The following UQCRH variants were observed in gnomAD, a reference collection of about 807,000 sequenced individuals.
The protein encoded by UQCRH is cytochrome b-c1 complex subunit 6, mitochondrial.
UQCRH carries 14 observed loss-of-function variants against 16.3 expected under a neutral mutation model. That is an observed-to-expected ratio of 0.86 (90% CI 0.57 to 1.34). The LOEUF (loss-of-function observed/expected upper bound fraction) is 1.34. Ranked by LOEUF, UQCRH falls within the 40% of genes most tolerant of loss-of-function variation. The pLI is 0.00. For missense variants in UQCRH, 89 were observed against 111.9 expected (o/e 0.80, Z 0.92); for synonymous variants, 41 against 41.9 (o/e 0.98, Z 0.08).
At chr1:46,316,503 T>C in intron 3 of UQCRH, 49 bp from the exon 4 acceptor site, 1 of 1,613,038 alleles carries the variant, frequency 6.2e-7, no homozygotes, top group Non-Finnish European at 8.5e-7. Context: ...TTGTAAGCCA[T>C]GACATTAAAG....
intron 3 of UQCRH, among the ~76,000 whole-genome samples, chr1:46,311,319 TG>T (rs1661469066): frequency 1.2e-5 from 1 of 80,902 alleles, no homozygotes; most frequent in Non-Finnish European, 2.7e-5. Context: ...CCCAGCACTT[TG>T]GGAGGCGGAG....
Position 46,304,502 on chromosome 1 carries a change from C to T in UQCRH, c.54+682C>T, listed in dbSNP as rs112382752. Among the ~76,000 whole-genome samples, 1,088 of 152,038 alleles carry T rather than the reference C, an allele frequency of 7.2e-3. 16 individuals are homozygous for T. The highest frequency in any genetic ancestry group is 0.034 in the Middle Eastern group (10 of 294). On this transcript the variant is annotated intron_variant, in intron 1 of 3. Transcript: ENST00000311672. ...CTGGGTTCAAGCGATTCTCCTGCCT[C>T]AGCCTCCCAGGTAGCTGGGACTACA...
rs189114560 is a variant in UQCRH, at chr1:46,310,233, G to A, written c.160G>A (p.Asp54Asn). 60 of 1,614,236 alleles carry A rather than the reference G, an allele frequency of 3.7e-5. No homozygotes were observed. Among genetic ancestry groups the A allele is most frequent in the Admixed American group, 2.0e-4 (12 of 60,032 alleles). ...GGCCCGGGAGCGGCTAGAGCTCTGT[G>A]ATGAGCGTGTATCCTCTCGATCACA... ...VKARERLELC[D>N]ERVSSRSHTE... Residue 54 changes from aspartate (D) to asparagine (N), a missense_variant, in exon 3 of 4, where the codon GAT becomes AAT. Transcript: ENST00000311672.
intron 1 of UQCRH, among the ~76,000 whole-genome samples, chr1:46,304,476 C>G (rs1661324703): frequency 1.3e-5 from 2 of 151,672 alleles, no homozygotes; most frequent in Non-Finnish European, 2.9e-5. Context: ...ACCTCCGCCT[C>G]CTGGGTTCAA....
intron 1 of UQCRH, 147 bp downstream of exon 1, chr1:46,303,967 A>G (rs1661310819): frequency 9.8e-6 from 10 of 1,021,338 alleles, no homozygotes; most frequent in Admixed American, 2.8e-5. Flanking sequence ...ACCTTTCCCC[A>G]GAATTCGTCC....
At chr1:46,309,875 C>G in intron 2 of UQCRH, 1 of 1,361,812 alleles carries the variant, frequency 7.3e-7, no homozygotes, top group Admixed American at 3.1e-5. Flanking sequence ...GGCCAGGTTT[C>G]CTTTACCACC....
At chr1:46,305,239 AGTGAGCC>A (rs1557722635) in intron 1 of UQCRH, among the ~76,000 whole-genome samples, 1 of 142,242 alleles carries the variant, frequency 7.0e-6, no homozygotes, top group African/African-American at 2.6e-5. Flanking sequence ...TCCAGGCTGC[AGTGAGCC>A]GTGATCGTGT....
At chr1:46,307,031 G>A (rs1661389218) in intron 1 of UQCRH, among the ~76,000 whole-genome samples, 5 of 152,058 alleles carry the variant, frequency 3.3e-5, no homozygotes, top group Admixed American at 3.3e-4. Flanking sequence ...GACCACAGAC[G>A]TGCGCCACCA....
rs1553173284 is a variant in UQCRH, at chr1:46,311,087, A to AT, written c.243+771_243+772insT. ...GAGACTCCATCTCAAAAAAAAAAAA[A>AT]AATAATAATAATAATAATCTTGCCT... On this transcript the variant is annotated intron_variant, in intron 3 of 3. Coordinates refer to ENST00000311672, the MANE Select transcript of UQCRH (RefSeq NM_006004.4). Among the ~76,000 whole-genome samples the AT allele has an allele frequency of 2.4e-3, 347 of 144,444 alleles. 1 individual carries two copies. Among genetic ancestry groups the AT allele is most frequent in the South Asian group, 5.1e-3 (23 of 4,480 alleles). 94.8% of individuals were successfully genotyped at this position (144,444 alleles called of 152,430 possible).
At chr1:46,307,640 T>G (rs1412321098) in intron 1 of UQCRH, among the ~76,000 whole-genome samples, 1 of 152,230 alleles carries the variant, frequency 6.6e-6, no homozygotes, top group Non-Finnish European at 1.5e-5. Flanking sequence ...AAACTAAGTT[T>G]GAGGTTGTGC....
chr1:46,303,840 T>C lies in UQCRH; in HGVS notation c.54+20T>C, dbSNP rs746860447. 51 of 1,613,990 alleles carry C rather than the reference T, an allele frequency of 3.2e-5. No homozygotes were observed. The highest frequency in any genetic ancestry group is 3.6e-5 in the Non-Finnish European group (43 of 1,180,016). ...GAGGAGGTAAGGCAAGGCGATCCAC[T>C]CGGCCCTCTTCTCTGCCCTGAAGCC... On this transcript the variant is annotated intron_variant, in intron 1 of 3. Transcript: ENST00000311672.
chr1:46,313,376 C>T (rs1661516769), intron 3 of UQCRH, among the ~76,000 whole-genome samples: 1 of 152,120 alleles, frequency 6.6e-6, no homozygotes, highest in South Asian at 2.1e-4. Context: ...CGCCTGTAAT[C>T]CCAGCCCTTT....
At chr1:46,304,505 C>T (rs1351651636) in intron 1 of UQCRH, among the ~76,000 whole-genome samples, 1 of 151,916 alleles carries the variant, frequency 6.6e-6, no homozygotes, top group Non-Finnish European at 1.5e-5. Context: ...CCTGCCTCAG[C>T]CTCCCAGGTA....
chr1:46,304,399 T>C (rs1661322057), intron 1 of UQCRH, among the ~76,000 whole-genome samples: 1 of 151,992 alleles, frequency 6.6e-6, no homozygotes, highest in Non-Finnish European at 1.5e-5. Context: ...TTTTTTTTTT[T>C]TTTTGAGATG....
Position 46,313,981 on chromosome 1 carries a change from T to G in UQCRH, c.244-2571T>G, listed in dbSNP as rs761558370. 3.9e-4 allele frequency among the ~76,000 whole-genome samples: 60 copies of G among 152,294 alleles called. No individual in the cohort carries two copies. In the Middle Eastern group the frequency reaches 0.017, roughly 43 times the overall value. ...GATATTTCCACATTCATATTCACAATAGCCAAAAGGTAGAAACAACCCAAT... is the reference window on the plus strand; with the variant it reads ...GATATTTCCACATTCATATTCACAAGAGCCAAAAGGTAGAAACAACCCAAT... On this transcript the variant is annotated intron_variant, in intron 3 of 3. Transcript: ENST00000311672.
chr1:46,314,364 CAAA>C (rs59435183), intron 3 of UQCRH, among the ~76,000 whole-genome samples: 9 of 72,988 alleles, frequency 1.2e-4, no homozygotes, highest in Non-Finnish European at 1.4e-4. Flanking sequence ...GACTCCGTCT[CAAA>C]AAAAAAAAAA....
At chr1:46,304,516 G>A (rs1220899623) in intron 1 of UQCRH, among the ~76,000 whole-genome samples, 1 of 151,866 alleles carries the variant, frequency 6.6e-6, no homozygotes, top group African/African-American at 2.4e-5. Flanking sequence ...CTCCCAGGTA[G>A]CTGGGACTAC....
At chr1:46,308,457 T>C (rs904131155) in intron 1 of UQCRH, among the ~76,000 whole-genome samples, 6 of 152,208 alleles carry the variant, frequency 3.9e-5, no homozygotes, top group Non-Finnish European at 7.3e-5. Context: ...GGCTCTAGCT[T>C]ATAGGGCTGG....
intron 1 of UQCRH, among the ~76,000 whole-genome samples, chr1:46,306,407 A>T (rs1185308073): frequency 8.5e-6 from 1 of 117,250 alleles, no homozygotes; most frequent in Admixed American, 1.1e-4. Flanking sequence ...TTTGTGACGG[A>T]GTCTCGCTCT....
Sources: allele counts gnomAD v4.1 joint callset (sites outside exome capture counted in the v4.1 genomes callset), GRCh38; gene constraint gnomAD v4.1.1; transcripts MANE v1.5; gene names NCBI Gene and HGNC (gene_info 2026-07-23, HGNC 2026-07-21).